TLE7: variants seen among roughly 807,000 people sequenced by gnomAD.
TLE7 encodes transducin-like enhancer protein 7.
Position 71,433,362 on chromosome 16 carries a change from T to C in TLE7, c.-38A>G. On this transcript the variant is annotated 5_prime_UTR_variant, in exon 2 of 10. Coordinates refer to ENST00000561754, the MANE Select transcript of TLE7 (RefSeq NM_001367365.2). ...GTGAGGTGTCTGGACCACCCGGTTC[T>C]AGGACTTGACAAATAGACCCGCCAA... is the stretch of plus-strand genomic sequence containing the variant. 2 of 398,642 alleles carry C rather than the reference T, an allele frequency of 5.0e-6. No individual in the cohort carries two copies. Among genetic ancestry groups the C allele is most frequent in the Non-Finnish European group, 8.8e-6 (2 of 226,090 alleles). 24.7% of individuals were successfully genotyped at this position (398,642 alleles called of 1,614,324 possible). A position where few individuals can be genotyped will look rare whatever the true frequency, so the allele number is the denominator to read the frequency against.
At chr16:71,438,799 C>A (rs560375556) in intron 1 of TLE7, among the ~76,000 whole-genome samples, 32 of 151,936 alleles carry the variant, frequency 2.1e-4, no homozygotes, top group Admixed American at 9.2e-4. Context: ...TTAGAAATAA[C>A]CAGATGGACA....
intron 1 of TLE7, among the ~76,000 whole-genome samples, chr16:71,436,285 C>T (rs1312037192): frequency 6.6e-6 from 1 of 152,210 alleles, no homozygotes; most frequent in Admixed American, 6.5e-5. Context: ...GGTGCTGCCC[C>T]TATCCTGCGG....
At chr16:71,438,441 AGAG>A (rs1397872661) in intron 1 of TLE7, among the ~76,000 whole-genome samples, 5 of 69,262 alleles carry the variant, frequency 7.2e-5, no homozygotes, top group African/African-American at 3.7e-4. Flanking sequence ...AAAAAAAAAA[AGAG>A]AGAGAGAAAG....
At chr16:71,438,440 AAG>A (rs57186187) in intron 1 of TLE7, among the ~76,000 whole-genome samples, 1 of 131,436 alleles carries the variant, frequency 7.6e-6, no homozygotes, top group Non-Finnish European at 1.6e-5. Context: ...AAAAAAAAAA[AAG>A]AGAGAGAGAA....
rs1215495032 is a variant in TLE7 at position 71,432,648 on chromosome 16, T to C, written c.393+17A>G. The C allele has an allele frequency of 7.5e-6, 3 of 398,756 alleles. No individual in the cohort carries two copies. Among genetic ancestry groups the C allele is most frequent in the Non-Finnish European group, 1.3e-5 (3 of 226,166 alleles). The allele number at this position is 398,756 out of a possible 1,614,324, so 24.7% of individuals were successfully genotyped here. Reference sequence around the variant, plus strand: ...GGTGGGAAAGGAAGGATCCTGAGTATGAAGTTGGACACTTACAATTGCTCT... The same window carrying C: ...GGTGGGAAAGGAAGGATCCTGAGTACGAAGTTGGACACTTACAATTGCTCT... On this transcript the variant is annotated intron_variant, in intron 4 of 9. Transcript: ENST00000561754.
intron 1 of TLE7, among the ~76,000 whole-genome samples, chr16:71,438,230 C>T (rs747369888): frequency 1.3e-5 from 2 of 151,856 alleles, no homozygotes; most frequent in Admixed American, 6.6e-5. Flanking sequence ...GTCACGAGTT[C>T]GAGACCAGCC....
intron 1 of TLE7, among the ~76,000 whole-genome samples, chr16:71,435,808 T>C (rs901726291): frequency 6.6e-6 from 1 of 152,208 alleles, no homozygotes; most frequent in Non-Finnish European, 1.5e-5. Flanking sequence ...CTCCTTGACT[T>C]GCGTCAGGCT....
chr16:71,433,495 T>A (rs138739283), intron 1 of TLE7, 75 bp from the exon 2 acceptor site: 115 of 396,670 alleles, frequency 2.9e-4, no homozygotes, highest in African/African-American at 2.3e-3. Flanking sequence ...GCAGAGAATG[T>A]CTCCTTTGGT....
intron 1 of TLE7, among the ~76,000 whole-genome samples, chr16:71,438,226 A>C (rs986757592): frequency 2.0e-5 from 3 of 152,052 alleles, no homozygotes; most frequent in Non-Finnish European, 4.4e-5. Context: ...TGAGGTCACG[A>C]GTTCGAGACC....
At chr16:71,437,461 GGAGAAGAGAA>G (rs141786069) in intron 1 of TLE7, among the ~76,000 whole-genome samples, 66 of 150,738 alleles carry the variant, frequency 4.4e-4, no homozygotes, top group East Asian at 2.0e-4. Context: ...GAAAGAGAAG[GGAGAAGAGAA>G]GAGAAGAGAA....
intron 1 of TLE7, among the ~76,000 whole-genome samples, chr16:71,434,037 G>A (rs186572750): frequency 1.8e-4 from 27 of 152,288 alleles, no homozygotes; most frequent in Non-Finnish European, 3.8e-4. Flanking sequence ...AAAATATAAG[G>A]CAACAGGAAA....
At chr16:71,441,525 G>T (rs1014107459) in intron 1 of TLE7, among the ~76,000 whole-genome samples, 1 of 152,366 alleles carries the variant, frequency 6.6e-6, no homozygotes, top group African/African-American at 2.4e-5. Flanking sequence ...CTCTGGGTCG[G>T]GCAGGGTCCA....
At chr16:71,439,412 CAG>C (rs1191481724) in intron 1 of TLE7, among the ~76,000 whole-genome samples, 1 of 152,050 alleles carries the variant, frequency 6.6e-6, no homozygotes, top group African/African-American at 2.4e-5. Context: ...GGCTGGAGCA[CAG>C]AGGGTGTGTG....
In TLE7 at chr16:71,430,055, A is replaced by G. The variant is rs918853993; in HGVS notation, c.*207T>C. Among the ~76,000 whole-genome samples the G allele has an allele frequency of 6.6e-6, 1 of 152,222 alleles. No homozygotes were observed. The highest frequency in any genetic ancestry group is 2.1e-4 in the South Asian group (1 of 4,834). ...CTGCCAAAACCCAGAAATCAGTGGT[A>G]GGAAGATAACAAAGGAAAAAGCTCC... On this transcript the variant is annotated 3_prime_UTR_variant, in exon 10 of 10. Coordinates refer to ENST00000561754, the MANE Select transcript of TLE7 (RefSeq NM_001367365.2).
At position 71,432,159 on chromosome 16, in the gene TLE7, C is replaced by T. The variant is rs1440352985; in HGVS notation, c.560G>A (p.Ser187Asn). The change falls in exon 5 of 10, where the codon AGT (serine) becomes AAT (asparagine). Residue 187 changes from serine to asparagine, a missense_variant. Ser to Asn is a conservative substitution (Grantham distance 46). Transcript: ENST00000561754. ...GGCCTTCTCCCCCGCATGCAGCGCA[C>T]TCTCATCCCATACCCTGATGTAGCC... Reference protein sequence around the residue: ...GSGYIRVWDESALHAGEKAPR... With the variant: ...GSGYIRVWDENALHAGEKAPR... 5 of 400,972 alleles carry T rather than the reference C, an allele frequency of 1.2e-5. No homozygotes were observed. In the Admixed American group the frequency reaches 2.2e-4, roughly 18 times the overall value. 24.8% of individuals were successfully genotyped at this position (400,972 alleles called of 1,614,324 possible). A position where few individuals can be genotyped will look rare whatever the true frequency, so the allele number is the denominator to read the frequency against.
At chr16:71,438,940 G>C (rs2145047219) in intron 1 of TLE7, among the ~76,000 whole-genome samples, 1 of 152,228 alleles carries the variant, frequency 6.6e-6, no homozygotes, top group Non-Finnish European at 1.5e-5. Flanking sequence ...TCACAACCAG[G>C]GTAAAGTTGA....
At chr16:71,432,915 G>C (rs1375211793) in intron 2 of TLE7, 23 bp from the exon 3 acceptor site, 1 of 398,868 alleles carries the variant, frequency 2.5e-6, no homozygotes, top group Non-Finnish European at 4.4e-6. Flanking sequence ...GAGAGAGGGA[G>C]GGAGGAGACA....
At chr16:71,434,308 C>T (rs1026447692) in intron 1 of TLE7, among the ~76,000 whole-genome samples, 2 of 152,140 alleles carry the variant, frequency 1.3e-5, no homozygotes, top group African/African-American at 2.4e-5. Flanking sequence ...TGTCAGGGAC[C>T]AGAGCTTTGA....
intron 1 of TLE7, among the ~76,000 whole-genome samples, chr16:71,434,470 A>G (rs1408186235): frequency 6.6e-6 from 1 of 152,162 alleles, no homozygotes; most frequent in Non-Finnish European, 1.5e-5. Context: ...AGGATCTTCA[A>G]GTGAGAACCA....
Sources: gnomAD v4.1 joint callset for allele counts (sites outside exome capture counted in the v4.1 genomes callset) on GRCh38, gnomAD v4.1.1 for gene constraint, MANE v1.5 for transcripts, NCBI Gene and HGNC (gene_info 2026-07-23, HGNC 2026-07-21) for gene names.